The following SCAF11 variants were observed in gnomAD, a reference collection of about 807,000 sequenced individuals.
SCAF11 encodes SR-related CTD associated factor 11, also known as protein SCAF11.
In SCAF11, 47 loss-of-function variants were observed where a neutral mutation model predicts 140.5. The ratio of observed to expected loss-of-function variants is 0.33; its 90% confidence interval spans 0.26 to 0.43. SCAF11 has a LOEUF of 0.43. SCAF11 is among the 20% of genes least tolerant of loss of function. The pLI is 1.00. For synonymous variants in SCAF11, 557 were observed against 579.4 expected, an observed-to-expected ratio of 0.96 and a Z score of 0.55; for missense variants, 1,645 against 1,705.1, an observed-to-expected ratio of 0.96 and a Z score of 0.62.
intron 1 of SCAF11, among the ~76,000 whole-genome samples, chr12:45,967,649 G>C (rs1334701728): frequency 1.3e-5 from 2 of 152,242 alleles, no homozygotes; most frequent in East Asian, 3.9e-4. Flanking sequence ...ATCTCAAAAA[G>C]AAAGAAATCT....
At position 45,922,570 on chromosome 12, in the gene SCAF11, G is replaced by T; in HGVS notation, c.4138C>A (p.Gln1380Lys). ...TTTACCTCTTGTGCTGCTTTTTCTT[G>T]AATTTGCAATTTCTGATGAGAAGAA... ...SSKTDKKLQI[Q>K]EKAAQEVKLA... Residue 1380 changes from glutamine (Q) to lysine (K), a missense_variant, in exon 14 of 15, where the codon CAA (glutamine) becomes AAA (lysine). This residue lies in a region of SCAF11 where 1,582 missense variants were observed against 1,609.2 expected (regional missense o/e 0.98). Coordinates refer to ENST00000369367, the MANE Select transcript of SCAF11 (RefSeq NM_004719.3). 6.3e-7 allele frequency: 1 copy of T among 1,588,822 alleles called. No individual in the cohort carries two copies. The highest frequency in any genetic ancestry group is 8.5e-7 in the Non-Finnish European group (1 of 1,174,330).
At chr12:45,955,434 G>C (rs1565678600) in intron 3 of SCAF11, 1 of 152,430 alleles carries the variant, frequency 6.6e-6, no homozygotes, top group Non-Finnish European at 1.5e-5. Context: ...ACAAGCGTGA[G>C]CCACCACACC....
chr12:45,983,881 A>C (rs1202063686), intron 1 of SCAF11, among the ~76,000 whole-genome samples: 3 of 152,182 alleles, frequency 2.0e-5, no homozygotes, highest in Non-Finnish European at 4.4e-5. Context: ...AAAGGATAAA[A>C]AAGGAAGAAG....
chr12:45,972,855 TATATATATCGATATATATATATATAG>T (rs1303490650), intron 1 of SCAF11, among the ~76,000 whole-genome samples: 6 of 127,786 alleles, frequency 4.7e-5, no homozygotes, highest in South Asian at 2.4e-4. Flanking sequence ...CCAGTATATA[TATATATATCGATATATATATATATAG>T]ATATATATAT....
chr12:45,975,699 A>G (rs763297382), intron 1 of SCAF11: 1 of 152,378 alleles, frequency 6.6e-6, no homozygotes, highest in Non-Finnish European at 1.5e-5. Context: ...AACTTTCTTC[A>G]TATCAGTGAC....
intron 1 of SCAF11, among the ~76,000 whole-genome samples, chr12:45,989,990 G>A (rs1433978485): frequency 6.6e-6 from 1 of 150,448 alleles, no homozygotes; most frequent in African/African-American, 2.4e-5. Flanking sequence ...CCCCCCCGTA[G>A]GACCCTGCAC....
chr12:45,940,848 G>C (rs1224345084), intron 6 of SCAF11, among the ~76,000 whole-genome samples: 12 of 151,998 alleles, frequency 7.9e-5, no homozygotes, highest in Admixed American at 7.9e-4. Context: ...TGGCGCCCAC[G>C]CTGGAGTGCA....
chr12:45,936,527 C>T (rs892077341), intron 6 of SCAF11, among the ~76,000 whole-genome samples: 3 of 152,126 alleles, frequency 2.0e-5, no homozygotes, highest in Non-Finnish European at 4.4e-5. Context: ...ATTAATTTAG[C>T]TAACTACAAC....
chr12:45,954,732 GCTT>G (rs80100201), intron 3 of SCAF11: 2 of 102,342 alleles, frequency 2.0e-5, no homozygotes, highest in Non-Finnish European at 3.6e-5. Flanking sequence ...ACCGTGCCTA[GCTT>G]TTTTTTTTTT....
intron 1 of SCAF11, among the ~76,000 whole-genome samples, chr12:45,968,834 G>A (rs1358859030): frequency 1.3e-5 from 2 of 152,164 alleles, no homozygotes; most frequent in East Asian, 1.9e-4. Context: ...GCTGAGGCAG[G>A]AGAATTGCTT....
chr12:45,924,164 G>A (rs1240643434), intron 12 of SCAF11, among the ~76,000 whole-genome samples: 1 of 152,128 alleles, frequency 6.6e-6, no homozygotes, highest in East Asian at 1.9e-4. Context: ...TTTTTAAAAG[G>A]CAGTCATAAA....
rs747916591 is a variant in SCAF11, at chr12:45,926,943, C to T, written c.2758G>A (p.Gly920Arg). The T allele has an allele frequency of 9.3e-6, 15 of 1,612,446 alleles. No individual in the cohort carries two copies. The highest frequency in any genetic ancestry group is 1.6e-4 in the Middle Eastern group (1 of 6,084). The change falls in exon 11 of 15, where the codon GGG becomes AGG. Residue 920 changes from glycine (G) to arginine (R), a missense_variant. By Grantham distance (125) the Gly-to-Arg change is moderately radical. This residue lies in a region of SCAF11 where 1,582 missense variants were observed against 1,609.2 expected (regional missense o/e 0.98). Coordinates refer to ENST00000369367, the MANE Select transcript of SCAF11 (RefSeq NM_004719.3). Reference protein sequence around the residue: ...QSRERESDRDGQRRERERRTR... With the variant: ...QSRERESDRDRQRRERERRTR... ...CTCCTTTCTCTCTCTCTCCTCTGCCCATCTCTATCACTTTCTCGTTCTCTG... is the reference window on the plus strand; with the variant it reads ...CTCCTTTCTCTCTCTCTCCTCTGCCTATCTCTATCACTTTCTCGTTCTCTG...
intron 6 of SCAF11, among the ~76,000 whole-genome samples, chr12:45,941,126 A>G (rs1592183274): frequency 6.6e-6 from 1 of 152,240 alleles, no homozygotes; most frequent in East Asian, 1.9e-4. Context: ...AAGCATAAAT[A>G]AACATATATC....
At chr12:45,981,724 G>C (rs1212354954) in intron 1 of SCAF11, among the ~76,000 whole-genome samples, 1 of 152,124 alleles carries the variant, frequency 6.6e-6, no homozygotes, top group African/African-American at 2.4e-5. Flanking sequence ...GAGCCCAGGA[G>C]GTTAAGGTTG....
chr12:45,970,469 A>G (rs1453092670), intron 1 of SCAF11, among the ~76,000 whole-genome samples: 3 of 152,250 alleles, frequency 2.0e-5, no homozygotes, highest in African/African-American at 7.2e-5. Flanking sequence ...GACAGACCCT[A>G]CTATGGATGA....
rs1025519728 is a variant in SCAF11 at position 45,964,180 on chromosome 12, A to G, written c.-13T>C. 3 of 1,450,470 alleles carry G rather than the reference A, an allele frequency of 2.1e-6. No individual in the cohort carries two copies. Among genetic ancestry groups the G allele is most frequent in the Non-Finnish European group, 2.9e-6 (3 of 1,040,932 alleles). 89.8% of individuals were successfully genotyped at this position (1,450,470 alleles called of 1,614,324 possible). A position where few individuals can be genotyped will look rare whatever the true frequency, so the allele number is the denominator to read the frequency against. On this transcript the variant is annotated 5_prime_UTR_variant, in exon 2 of 15. Coordinates refer to ENST00000369367, the MANE Select transcript of SCAF11 (RefSeq NM_004719.3). The stretch of plus-strand genomic sequence containing the variant: ...TTTTCTTCTTCATTTCTCTTTGGAA[A>G]AGGGTTTCCTATAAGATAAATTATA...
chr12:45,931,678 A>G (rs1945048360), intron 9 of SCAF11, 66 bp from the exon 10 acceptor site: 4 of 800,498 alleles, frequency 5.0e-6, no homozygotes, highest in Non-Finnish European at 5.7e-6. Flanking sequence ...ATTTAAAAGT[A>G]TTAATTCTCT....
intron 1 of SCAF11, among the ~76,000 whole-genome samples, chr12:45,964,496 T>C (rs1017565354): frequency 3.9e-5 from 6 of 152,090 alleles, no homozygotes; most frequent in African/African-American, 4.8e-5. Flanking sequence ...TGAAACCCTG[T>C]CTCTACTAAA....
At chr12:45,965,070 G>A (rs1024211903) in intron 1 of SCAF11, among the ~76,000 whole-genome samples, 1 of 152,138 alleles carries the variant, frequency 6.6e-6, no homozygotes, top group African/African-American at 2.4e-5. Context: ...GCAGAGCAAT[G>A]TAAATCAAGT....
Sources: allele counts gnomAD v4.1 joint callset (sites outside exome capture counted in the v4.1 genomes callset), GRCh38; gene constraint gnomAD v4.1.1; regional missense constraint gnomAD v4.1.1; transcripts MANE v1.5; gene names NCBI Gene and HGNC (gene_info 2026-07-23, HGNC 2026-07-21).